The following PADI3 variants were observed in gnomAD, a reference collection of about 807,000 sequenced individuals.
The protein encoded by PADI3 is protein-arginine deiminase type-3.
A neutral mutation model predicts 71.5 loss-of-function variants in PADI3; 53 were observed. The ratio of observed to expected loss-of-function variants is 0.74; its 90% CI spans 0.59 to 0.93. The LOEUF (loss-of-function observed/expected upper bound fraction) is 0.93. Ranked by LOEUF, PADI3 falls within the 40% of genes least tolerant of loss-of-function variation. The probability of loss-of-function intolerance (pLI) is 0.00; values close to 1 mark genes in which losing one functional copy is unlikely to be tolerated. For synonymous variants in PADI3, 361 were observed against 347.5 expected (o/e 1.04, Z -0.43); for missense variants, 821 against 868.0 (o/e 0.95, Z 0.68).
At chr1:17,263,027 A>G (rs940435696) in intron 3 of PADI3, among the ~76,000 whole-genome samples, 1 of 152,096 alleles carries the variant, frequency 6.6e-6, no homozygotes, top group African/African-American at 2.4e-5. Context: ...CGATTCTCCT[A>G]CCTCAGCCTC....
rs749274741 is a variant in PADI3 at position 17,266,855 on chromosome 1, G to A, written c.526+19G>A. The A allele has an allele frequency of 3.2e-6, 5 of 1,573,200 alleles. No homozygotes were observed. Among genetic ancestry groups the A allele is most frequent in the African/African-American group, 1.3e-5 (1 of 74,158 alleles). ...CTGCAAGGTGAGGCCGGGGCAGCCT[G>A]AGTCCCTGGGTGTCCAGGGTCACTG... On this transcript the variant is annotated intron_variant, in intron 5 of 15. Transcript: ENST00000375460.
intron 1 of PADI3, among the ~76,000 whole-genome samples, chr1:17,252,131 G>C (rs573986609): frequency 6.6e-6 from 1 of 152,300 alleles, no homozygotes; most frequent in East Asian, 1.9e-4. Flanking sequence ...ATGGGGAAAG[G>C]GAAGGAAGGG....
At chr1:17,281,716 G>A (rs1052997113) in intron 15 of PADI3, among the ~76,000 whole-genome samples, 14 of 152,212 alleles carry the variant, frequency 9.2e-5, no homozygotes, top group Non-Finnish European at 1.6e-4. Flanking sequence ...GCCTCCCAAA[G>A]TGCTGGGATT....
In PADI3 at chr1:17,280,694, G is replaced by T; in HGVS notation, c.1659G>T (p.Glu553Asp). The T allele has an allele frequency of 1.2e-6, 2 of 1,614,200 alleles. No homozygotes were observed. The highest frequency in any genetic ancestry group is 1.7e-6 in the Non-Finnish European group (2 of 1,180,040). Residue 553 changes from glutamate (E) to aspartate (D), a missense_variant, in exon 15 of 16, where the codon GAG becomes GAT. Glu to Asp is a conservative substitution (Grantham distance 45). Coordinates refer to ENST00000375460, the MANE Select transcript of PADI3 (RefSeq NM_016233.2). ...FVQSCIDWNR[E>D]VLKRELGLAE... ...AGAGCTGCATCGACTGGAACCGTGA[G>T]GTGCTGAAGCGGGAGCTGGGCCTGG... is the stretch of plus-strand genomic sequence containing the variant.
Position 17,254,303 on chromosome 1 carries a change from G to T in PADI3, c.92+5074G>T, listed in dbSNP as rs535606905. Among the ~76,000 whole-genome samples, 6 of 152,318 alleles carry T rather than the reference G, an allele frequency of 3.9e-5. No individual in the cohort carries two copies. The East Asian group carries it at 1.2e-3, about 29-fold the overall frequency. Reference sequence around the variant, plus strand: ...TCCTCTGCCCCCACATCCCAGCTCGGTGGAGACCTCGTTGGTCATCTTGTC... The same window carrying T: ...TCCTCTGCCCCCACATCCCAGCTCGTTGGAGACCTCGTTGGTCATCTTGTC... On this transcript the variant is annotated intron_variant, in intron 1 of 15. Coordinates refer to ENST00000375460, the MANE Select transcript of PADI3 (RefSeq NM_016233.2).
rs143228045 is a variant in PADI3 at position 17,274,712 on chromosome 1, G to A, written c.1233G>A (p.Glu411=). The change falls in exon 11 of 16, where the codon GAG becomes GAA. Residue 411 remains glutamate (E), a synonymous_variant. Coordinates refer to ENST00000375460, the MANE Select transcript of PADI3 (RefSeq NM_016233.2). ...VSGLDSFGNL[E]VSPPVVANGK... ...GCCTGGACTCCTTTGGGAACCTGGA[G>A]GTCAGCCCTCCAGTGGTGGCCAATG... The A allele has an allele frequency of 1.9e-6, 3 of 1,613,908 alleles. No homozygotes were observed. In the South Asian group the frequency reaches 3.3e-5, roughly 18 times the overall value.
intron 3 of PADI3, 136 bp downstream of exon 3, chr1:17,262,341 T>G: frequency 1.6e-6 from 1 of 622,708 alleles, no homozygotes; most frequent in South Asian, 2.2e-5. Flanking sequence ...CCAGCATTTT[T>G]CTAGAGATAC....
At chr1:17,270,679 G>T (rs1195833713) in intron 7 of PADI3, among the ~76,000 whole-genome samples, 200 bp from the exon 8 acceptor site, 2 of 151,994 alleles carry the variant, frequency 1.3e-5, no homozygotes, top group African/African-American at 4.8e-5. Flanking sequence ...AAAGGGCAGT[G>T]GGGAGGACTC....
intron 3 of PADI3, among the ~76,000 whole-genome samples, chr1:17,263,773 A>C (rs763898705): frequency 2.6e-5 from 4 of 152,220 alleles, no homozygotes; most frequent in Non-Finnish European, 5.9e-5. Flanking sequence ...AACTCCAATC[A>C]ATAAGAAAAG....
chr1:17,283,442 C>T lies in PADI3; in HGVS notation c.*363C>T. 1 of 213,904 alleles carries T rather than the reference C, an allele frequency of 4.7e-6. No individual in the cohort carries two copies. Among genetic ancestry groups the T allele is most frequent in the Non-Finnish European group, 9.5e-6 (1 of 105,720 alleles). The allele number at this position is 213,904 out of a possible 1,614,324, so 13.3% of individuals were successfully genotyped here. ...CACGTATCTCATCAGCCATCTTGTC[C>T]TGTGCATCCTAACAGAGGAAGGATC... On this transcript the variant is annotated 3_prime_UTR_variant, in exon 16 of 16. Coordinates refer to ENST00000375460, the MANE Select transcript of PADI3 (RefSeq NM_016233.2).
chr1:17,266,984 A>G lies in PADI3; in HGVS notation c.526+148A>G, dbSNP rs190210511. ...CACACCTCGATGCTCCTCAAAACCC[A>G]TCTCAGGCTGGCAGCTGCCCCTCCC... is the stretch of plus-strand genomic sequence containing the variant. On this transcript the variant is annotated intron_variant, in intron 5 of 15. Coordinates refer to ENST00000375460, the MANE Select transcript of PADI3 (RefSeq NM_016233.2). 3,217 of 653,394 alleles carry G rather than the reference A, an allele frequency of 4.9e-3. 14 individuals carry two copies. The highest frequency in any genetic ancestry group is 7.3e-3 in the Non-Finnish European group (2,691 of 367,816). 40.5% of individuals were successfully genotyped at this position (653,394 alleles called of 1,614,324 possible).
rs754634778 is a variant in PADI3 at position 17,249,168 on chromosome 1, C to G, written c.31C>G (p.Leu11Val). 1.2e-6 allele frequency: 2 copies of G among 1,614,186 alleles called. No individual in the cohort carries two copies. Among genetic ancestry groups the G allele is most frequent in the Non-Finnish European group, 1.7e-6 (2 of 1,180,030 alleles). MSLQRIVRVS[L>V]EHPTSAVCVA... ...GCTGCAGAGAATCGTGCGTGTGTCC[C>G]TGGAGCATCCCACCAGCGCGGTGTG... is the stretch of plus-strand genomic sequence containing the variant. Residue 11 changes from leucine (L) to valine (V), a missense_variant, in exon 1 of 16, where the codon CTG becomes GTG. Transcript: ENST00000375460.
chr1:17,255,625 G>A lies in PADI3; in HGVS notation c.93-3953G>A, dbSNP rs374734447. ...GATGCAGGTTCTCCTCCCAGCAGCT[G>A]CCCCTCTCATTCTCCTAACACACAG... is the stretch of plus-strand genomic sequence containing the variant. On this transcript the variant is annotated intron_variant, in intron 1 of 15. Transcript: ENST00000375460. Among the ~76,000 whole-genome samples the A allele has an allele frequency of 8.5e-5, 13 of 152,288 alleles. No homozygotes were observed. The South Asian group carries it at 2.3e-3, about 27-fold the overall frequency.
intron 6 of PADI3, among the ~76,000 whole-genome samples, chr1:17,269,652 T>C (rs2100583358): frequency 6.6e-6 from 1 of 152,078 alleles, no homozygotes; most frequent in South Asian, 2.1e-4. Context: ...GGATTCTCGC[T>C]CCATGCCCAG....
rs1486430420 is a variant in PADI3 at position 17,268,523 on chromosome 1, T to TTC, written c.652+562_652+563insCT. ...CTTTTTTTTTTTTTTTTTTTTTTTT[T>TTC]TTGAGACAGAGTCTCGCTCTGTTGC... On this transcript the variant is annotated intron_variant, in intron 6 of 15. Coordinates refer to ENST00000375460, the MANE Select transcript of PADI3 (RefSeq NM_016233.2). 2.9e-4 allele frequency among the ~76,000 whole-genome samples: 32 copies of TTC among 108,588 alleles called. No homozygotes were observed. The East Asian group carries it at 4.3e-3, about 15-fold the overall frequency. 71.2% of individuals were successfully genotyped at this position (108,588 alleles called of 152,430 possible).
chr1:17,257,972 C>T (rs2073049514), intron 1 of PADI3, among the ~76,000 whole-genome samples: 1 of 152,172 alleles, frequency 6.6e-6, no homozygotes, highest in Non-Finnish European at 1.5e-5. Flanking sequence ...ATTATTACTC[C>T]TGGGGAGGTG....
At chr1:17,264,965 T>C (rs2073147913) in intron 3 of PADI3, among the ~76,000 whole-genome samples, 2 of 149,866 alleles carry the variant, frequency 1.3e-5, no homozygotes, top group Admixed American at 1.3e-4. Flanking sequence ...GCCATGATCA[T>C]GCCACTGCAC....
At chr1:17,249,451 G>A (rs1290802352) in intron 1 of PADI3, among the ~76,000 whole-genome samples, 1 of 152,112 alleles carries the variant, frequency 6.6e-6, no homozygotes, top group Non-Finnish European at 1.5e-5. Flanking sequence ...GGTAGAAGAG[G>A]CTTCAGTGAC....
intron 8 of PADI3, 32 bp from the exon 9 acceptor site, chr1:17,271,035 C>G (rs1466802859): frequency 1.2e-6 from 2 of 1,612,424 alleles, no homozygotes; most frequent in East Asian, 4.5e-5. Context: ...CCGGCTCCAT[C>G]CTGAGCCCCT....
Sources: allele counts gnomAD v4.1 joint callset (sites outside exome capture counted in the v4.1 genomes callset), GRCh38; gene constraint gnomAD v4.1.1; transcripts MANE v1.5; gene names NCBI Gene and HGNC (gene_info 2026-07-23, HGNC 2026-07-21).